The following PCDH11X variants were observed in gnomAD, a reference collection of about 807,000 sequenced individuals.
PCDH11X encodes protocadherin 11 X-linked, also known as protocadherin-11 X-linked.
A neutral mutation model predicts 53.3 loss-of-function variants in PCDH11X; 18 were observed. The ratio of observed to expected loss-of-function variants is 0.34; its 90% CI spans 0.23 to 0.50. PCDH11X has a LOEUF of 0.50. Ranked by LOEUF, PCDH11X falls within the 20% of genes least tolerant of loss-of-function variation. PCDH11X has a pLI of 0.98. For synonymous variants in PCDH11X, 279 were observed against 393.3 expected, an observed-to-expected ratio of 0.71 and a Z score of 3.44; for missense variants, 570 against 1,032.4, an observed-to-expected ratio of 0.55 and a Z score of 6.14.
chrX:92,331,411 C>A (rs2069487240), intron 8 of PCDH11X, among the ~76,000 whole-genome samples: 1 of 101,355 alleles, frequency 9.9e-6, no homozygotes. Context: ...TCTGCTTTTA[C>A]TTCTTTCTTT....
At chrX:92,387,055 C>A (rs2148572359) in intron 8 of PCDH11X, among the ~76,000 whole-genome samples, 1 of 103,783 alleles carries the variant, frequency 9.6e-6, no homozygotes, top group East Asian at 3.0e-4. Context: ...CCAAATGCTT[C>A]ATCTTTATCT....
At chrX:92,438,409 G>A (rs1315765384) in intron 9 of PCDH11X, among the ~76,000 whole-genome samples, 11 of 110,955 alleles carry the variant, frequency 9.9e-5, no homozygotes, top group Non-Finnish European at 2.1e-4. Context: ...TATTGGGGTT[G>A]ACAAAGTTCA....
intron 10 of PCDH11X, among the ~76,000 whole-genome samples, chrX:92,494,000 G>T (rs909583336): frequency 3.7e-5 from 4 of 106,752 alleles, no homozygotes; most frequent in Admixed American, 1.0e-4. Flanking sequence ...TTTTTTTAAG[G>T]TTATTTTCTT....
At chrX:92,380,239 C>G (rs7882886) in intron 8 of PCDH11X, among the ~76,000 whole-genome samples, 2,173 of 105,895 alleles carry the variant, frequency 0.021, 54 homozygotes, top group East Asian at 0.098. Context: ...AGCTGCCCAC[C>G]TCACCACAGC....
chrX:92,063,629 T>C (rs1302907495), intron 6 of PCDH11X, among the ~76,000 whole-genome samples: 2 of 112,233 alleles, frequency 1.8e-5, no homozygotes, highest in African/African-American at 3.2e-5. Context: ...GAAAACACTC[T>C]GGTTTTCGAG....
intron 6 of PCDH11X, among the ~76,000 whole-genome samples, chrX:92,066,850 T>C (rs2063615144): frequency 8.9e-6 from 1 of 112,510 alleles, no homozygotes; most frequent in South Asian, 3.6e-4. Context: ...AGGCCTGTAA[T>C]CCCAGCACTT....
At chrX:92,228,341 G>T (rs944869600) in intron 7 of PCDH11X, among the ~76,000 whole-genome samples, 2 of 111,763 alleles carry the variant, frequency 1.8e-5, no homozygotes, top group African/African-American at 6.5e-5. Context: ...CAGAGAAAAT[G>T]AGTGCCTAAG....
At chrX:92,444,223 T>A (rs1362226888) in intron 9 of PCDH11X, among the ~76,000 whole-genome samples, 1 of 107,225 alleles carries the variant, frequency 9.3e-6, no homozygotes, top group Non-Finnish European at 1.9e-5. Context: ...TGTTTTGTAG[T>A]TCTCTTTGCA....
intron 7 of PCDH11X, among the ~76,000 whole-genome samples, chrX:92,210,745 C>T (rs1285025137): frequency 8.9e-6 from 1 of 111,767 alleles, no homozygotes; most frequent in African/African-American, 3.3e-5. Flanking sequence ...CCTAAATCAT[C>T]TCTCTTAAGT....
chrX:92,406,956 A>C (rs1308230850), intron 9 of PCDH11X, among the ~76,000 whole-genome samples: 1 of 96,891 alleles, frequency 1.0e-5, no homozygotes, highest in African/African-American at 3.8e-5. Flanking sequence ...AAAAGGAAAA[A>C]TTGAACTCTC....
chrX:91,879,770 C>T, intron 6 of PCDH11X: 2 of 748,553 alleles, frequency 2.7e-6, no homozygotes, highest in Non-Finnish European at 3.1e-6. Context: ...CTCTACCAGG[C>T]CTTCAGGTCC....
chrX:92,565,677 A>T (rs1289808303), intron 10 of PCDH11X, among the ~76,000 whole-genome samples: 4 of 106,730 alleles, frequency 3.7e-5, no homozygotes, highest in Non-Finnish European at 7.8e-5. Flanking sequence ...GGGATGGTTA[A>T]GAGAAACCAA....
intron 10 of PCDH11X, among the ~76,000 whole-genome samples, chrX:92,495,492 T>C (rs1215072130): frequency 9.1e-6 from 1 of 109,854 alleles, no homozygotes; most frequent in Non-Finnish European, 1.9e-5. Flanking sequence ...ACTGCTGTCA[T>C]ACCAGCTAAG....
intron 1 of PCDH11X, among the ~76,000 whole-genome samples, chrX:91,787,422 G>A (rs759279873): frequency 1.2e-3 from 134 of 111,211 alleles, no homozygotes; most frequent in Admixed American, 1.8e-3. Context: ...TTACAAACTC[G>A]TTTCAGGTAC....
At chrX:91,879,398 T>C (rs1048765256) in intron 6 of PCDH11X, 125 bp downstream of exon 6, 1 of 1,104,279 alleles carries the variant, frequency 9.1e-7, no homozygotes, top group African/African-American at 1.9e-5. Flanking sequence ...TCTACAGATG[T>C]ACCCAATAGA....
chrX:92,216,396 G>T (rs1226540654), intron 7 of PCDH11X, among the ~76,000 whole-genome samples: 4 of 105,755 alleles, frequency 3.8e-5, no homozygotes, highest in African/African-American at 1.4e-4. Flanking sequence ...CGAGAACTAT[G>T]TGAAGAATGC....
At chrX:92,183,021 C>T (rs971191381) in intron 6 of PCDH11X, among the ~76,000 whole-genome samples, 3 of 111,236 alleles carry the variant, frequency 2.7e-5, no homozygotes, top group Non-Finnish European at 5.6e-5. Context: ...AAGACTGTGA[C>T]ATTATTCTTA....
At chrX:92,062,575 G>T (rs2063538182) in intron 6 of PCDH11X, among the ~76,000 whole-genome samples, 2 of 111,834 alleles carry the variant, frequency 1.8e-5, no homozygotes, top group South Asian at 7.5e-4. Flanking sequence ...CATTTATGCA[G>T]CCAACAAGCA....
intron 9 of PCDH11X, among the ~76,000 whole-genome samples, chrX:92,410,306 G>A (rs895690303): frequency 9.4e-6 from 1 of 106,432 alleles, no homozygotes; most frequent in Non-Finnish European, 1.9e-5. Context: ...CAGGTATTTA[G>A]CTGGAGATAG....
Sources: gnomAD v4.1 joint callset for allele counts (sites outside exome capture counted in the v4.1 genomes callset) on GRCh38, gnomAD v4.1.1 for gene constraint, MANE v1.5 for transcripts, NCBI Gene and HGNC (gene_info 2026-07-23, HGNC 2026-07-21) for gene names.